Variants in CCDC73 observed in about 807,000 individuals in gnomAD.
The protein encoded by CCDC73 is coiled-coil domain-containing protein 73.
A neutral mutation model predicts 116.5 loss-of-function variants in CCDC73; 95 were observed. That is an observed-to-expected ratio of 0.82 (90% CI 0.69 to 0.97). CCDC73 has a LOEUF of 0.97. Ranked by LOEUF, CCDC73 falls within the 50% of genes least tolerant of loss-of-function variation. CCDC73 has a pLI of 0.00. For synonymous variants in CCDC73, 398 were observed against 401.3 expected, an observed-to-expected ratio of 0.99 and a Z score of 0.10; for missense variants, 1,066 against 1,206.8, an observed-to-expected ratio of 0.88 and a Z score of 1.73.
In CCDC73 at chr11:32,614,003, A is replaced by C; in HGVS notation, c.2315T>G (p.Val772Gly). The C allele has an allele frequency of 3.1e-6, 5 of 1,611,396 alleles. No homozygotes were observed. Among genetic ancestry groups the C allele is most frequent in the Non-Finnish European group, 4.2e-6 (5 of 1,179,728 alleles). Reference sequence around the variant, plus strand: ...GTTAAGATGAAGATGGGAAATGTTCACATTAGTGTTTTCTAAGTATCCCAA... The same window carrying C: ...GTTAAGATGAAGATGGGAAATGTTCCCATTAGTGTTTTCTAAGTATCCCAA... The part of the protein sequence containing the change: ...NCLGYLENTN[V>G]NISHLHLNNE... The change falls in exon 16 of 18, where the codon GTG (valine) becomes GGG (glycine). Residue 772 changes from valine to glycine, a missense_variant. Physicochemically the swap from Val to Gly is moderately radical, Grantham distance 109. Transcript: ENST00000335185.
At chr11:32,625,624 T>C (rs2133232499) in intron 14 of CCDC73, among the ~76,000 whole-genome samples, 1 of 152,212 alleles carries the variant, frequency 6.6e-6, no homozygotes, top group Admixed American at 6.5e-5. Context: ...CTCTTCTGGC[T>C]TGTAGAGTGA....
At chr11:32,817,838 A>G in the CCDC73 span, among the ~76,000 whole-genome samples, 3 of 152,150 alleles carry the variant, frequency 2.0e-5, no homozygotes, top group Non-Finnish European at 4.4e-5. Flanking sequence ...TCTCATCTCC[A>G]TATCATAATA....
chr11:32,798,878 T>C (rs1389684655), upstream of CCDC73, among the ~76,000 whole-genome samples: 1 of 149,554 alleles, frequency 6.7e-6, no homozygotes, highest in Admixed American at 6.8e-5. Context: ...CTGTGGGTTT[T>C]TGTTTGGTTT....
chr11:32,613,889 T>C lies in CCDC73; in HGVS notation c.2429A>G (p.Lys810Arg), dbSNP rs746107663. The change falls in exon 16 of 18, where the codon AAG becomes AGG. Residue 810 changes from lysine (K) to arginine (R), a missense_variant. Transcript: ENST00000335185. ...TCTETEFSNKKNQIDENQVTE... is the reference protein window; with the variant it reads ...TCTETEFSNKRNQIDENQVTE... ...TACCTGATTCTCATCAATCTGATTC[T>C]TTTTATTGGAAAACTCTGTTTCTGT... 6.2e-7 allele frequency: 1 copy of C among 1,613,246 alleles called. No homozygotes were observed. Among genetic ancestry groups the C allele is most frequent in the Non-Finnish European group, 8.5e-7 (1 of 1,179,914 alleles).
At chr11:32,643,585 T>C (rs867675776) in intron 12 of CCDC73, among the ~76,000 whole-genome samples, 54 of 152,250 alleles carry the variant, frequency 3.5e-4, no homozygotes, top group African/African-American at 1.3e-3. Flanking sequence ...TGTAACACAA[T>C]AGTATTTTTA....
intron 13 of CCDC73, among the ~76,000 whole-genome samples, chr11:32,638,058 C>A (rs984418718): frequency 6.6e-6 from 1 of 152,106 alleles, no homozygotes; most frequent in African/African-American, 2.4e-5. Flanking sequence ...TATTTGATGT[C>A]TTTTCCCCTC....
chr11:32,815,787 T>C, the CCDC73 span, among the ~76,000 whole-genome samples: 23 of 152,166 alleles, frequency 1.5e-4, no homozygotes, highest in Non-Finnish European at 3.2e-4. Context: ...AAGGAACATT[T>C]TTTCCAGACT....
chr11:32,640,706 A>G (rs577917721), intron 13 of CCDC73, among the ~76,000 whole-genome samples: 18 of 152,202 alleles, frequency 1.2e-4, no homozygotes, highest in African/African-American at 4.3e-4. Context: ...GATGTCTCCA[A>G]ACTATAAATT....
chr11:32,651,610 C>G (rs1370439917), intron 12 of CCDC73, among the ~76,000 whole-genome samples: 2 of 152,212 alleles, frequency 1.3e-5, no homozygotes, highest in African/African-American at 4.8e-5. Context: ...ATTCAAGCCC[C>G]TAGCACATGC....
intron 1 of CCDC73, among the ~76,000 whole-genome samples, chr11:32,762,369 A>G (rs1439664051): frequency 1.3e-5 from 2 of 152,244 alleles, no homozygotes; most frequent in East Asian, 3.8e-4. Context: ...ACTAACAGCT[A>G]TCTTTACCCT....
In CCDC73 at chr11:32,737,271, GTGTA is replaced by G. The variant is rs1341341178; in HGVS notation, c.136-19128_136-19125del. ...TGTGTGTGTGTGTGTGTGTGTGTGT[GTGTA>G]TATACATGGTCCATAGGATATTTTG... On this transcript the variant is annotated intron_variant, in intron 2 of 17. Transcript: ENST00000335185. 2.8e-3 allele frequency among the ~76,000 whole-genome samples: 362 copies of G among 129,148 alleles called. 1 individual carries two copies. The highest frequency in any genetic ancestry group is 9.1e-3 in the Admixed American group (115 of 12,614). 84.7% of individuals were successfully genotyped at this position (129,148 alleles called of 152,430 possible).
At chr11:32,743,728 G>T (rs555756522) in intron 2 of CCDC73, among the ~76,000 whole-genome samples, 2 of 152,268 alleles carry the variant, frequency 1.3e-5, no homozygotes, top group South Asian at 4.1e-4. Context: ...TGGTGTATAG[G>T]AATGCTTGTG....
chr11:32,753,447 A>C (rs1431452137), intron 2 of CCDC73, among the ~76,000 whole-genome samples: 1 of 151,304 alleles, frequency 6.6e-6, no homozygotes, highest in Non-Finnish European at 1.5e-5. Flanking sequence ...GGCATGCATC[A>C]CCACACCCAG....
chr11:32,665,395 C>T (rs1855970959), intron 9 of CCDC73, among the ~76,000 whole-genome samples: 1 of 152,118 alleles, frequency 6.6e-6, no homozygotes, highest in Admixed American at 6.6e-5. Context: ...TTGAATTGAT[C>T]CCTTTACCAT....
At chr11:32,688,649 G>A (rs1758908702) in intron 6 of CCDC73, among the ~76,000 whole-genome samples, 1 of 152,150 alleles carries the variant, frequency 6.6e-6, no homozygotes, top group Admixed American at 6.6e-5. Flanking sequence ...TGAGATGATA[G>A]AGCATCAGTT....
chr11:32,653,164 CAGTATTAGCTT>C lies in CCDC73; in HGVS notation c.887_897del (p.Gln296ArgfsTer13). On this transcript the variant is annotated frameshift_variant, in exon 12 of 18. Coordinates refer to ENST00000335185, the MANE Select transcript of CCDC73 (RefSeq NM_001008391.4). LOFTEE classifies it high-confidence loss of function. ...AGCACCTTCAATTCTGCCTCCATTT[CAGTATTAGCTT>C]GAATTTGTTGCCGAAGTAACTGCTG... is the stretch of plus-strand genomic sequence containing the variant. 1 of 1,611,684 alleles carries C rather than the reference CAGTATTAGCTT, an allele frequency of 6.2e-7. No homozygotes were observed. The highest frequency in any genetic ancestry group is 8.5e-7 in the Non-Finnish European group (1 of 1,178,944).
At chr11:32,701,449 C>T (rs1849809928) in intron 4 of CCDC73, among the ~76,000 whole-genome samples, 1 of 151,924 alleles carries the variant, frequency 6.6e-6, no homozygotes, top group Admixed American at 6.6e-5. Flanking sequence ...GCCTGTAATC[C>T]CAATACTTTG....
intron 2 of CCDC73, among the ~76,000 whole-genome samples, chr11:32,745,770 T>C (rs1251804113): frequency 2.7e-5 from 4 of 149,118 alleles, no homozygotes; most frequent in Non-Finnish European, 6.0e-5. Context: ...TTGCTTTCCA[T>C]TTGCTTGGTA....
chr11:32,658,252 C>A (rs959236478), intron 9 of CCDC73, among the ~76,000 whole-genome samples: 3 of 152,084 alleles, frequency 2.0e-5, no homozygotes, highest in Admixed American at 6.5e-5. Context: ...CTTTCATTTA[C>A]GTAGTTCATT....
Sources: allele counts gnomAD v4.1 joint callset (sites outside exome capture counted in the v4.1 genomes callset), GRCh38; gene constraint gnomAD v4.1.1; transcripts MANE v1.5; gene names NCBI Gene and HGNC (gene_info 2026-07-23, HGNC 2026-07-21).